Variants in KANK1 observed in about 807,000 individuals in gnomAD.
KANK1 encodes KN motif and ankyrin repeat domain-containing protein 1.
A neutral mutation model predicts 106.2 loss-of-function variants in KANK1; 109 were observed. The observed-to-expected ratio is 1.03, with a 90% CI of 0.88 to 1.20. The LOEUF (loss-of-function observed/expected upper bound fraction) is 1.20. Among genes scored for constraint, KANK1 ranks in the 50% most tolerant of loss-of-function variants. KANK1 has a pLI of 0.00. For synonymous variants in KANK1, 873 were observed against 652.2 expected, an observed-to-expected ratio of 1.34 and a Z score of -5.16; for missense variants, 2,399 against 1,710.7, an observed-to-expected ratio of 1.40 and a Z score of -7.10.
intron 2 of KANK1, among the ~76,000 whole-genome samples, chr9:678,636 G>GCT (rs1816880747): frequency 6.6e-6 from 1 of 152,162 alleles, no homozygotes; most frequent in South Asian, 2.1e-4. Context: ...GCTAAGACAG[G>GCT]AATGGCTGGA....
intron 2 of KANK1, chr9:707,384 A>G: frequency 3.6e-6 from 1 of 281,632 alleles, no homozygotes; most frequent in Non-Finnish European, 5.4e-6. Context: ...TCCAGCTTAG[A>G]CCCGCCGGCT....
At chr9:667,741 TG>T (rs143525847) in intron 1 of KANK1, among the ~76,000 whole-genome samples, 63,973 of 109,710 alleles carry the variant, frequency 0.58, 16,373 homozygotes, top group East Asian at 0.88. Flanking sequence ...AAGGTTTTTT[TG>T]TTTTGTTTTT....
At chr9:678,905 T>C (rs1381648899) in intron 2 of KANK1, among the ~76,000 whole-genome samples, 1 of 152,166 alleles carries the variant, frequency 6.6e-6, no homozygotes, top group African/African-American at 2.4e-5. Context: ...AAGGGGTGTT[T>C]AAGATTGTTG....
At chr9:608,326 T>G (rs966577987) in intron 1 of KANK1, among the ~76,000 whole-genome samples, 6 of 151,952 alleles carry the variant, frequency 3.9e-5, no homozygotes, top group Middle Eastern at 3.4e-3. Context: ...CGTGAAAACT[T>G]TCAGAATTAT....
Position 712,202 on chromosome 9 carries a change from C to A in KANK1, c.1436C>A (p.Thr479Asn). The change falls in exon 3 of 12, where the codon ACC becomes AAC. Residue 479 changes from threonine (T) to asparagine (N), a missense_variant. Coordinates refer to ENST00000382297, the MANE Select transcript of KANK1 (RefSeq NM_015158.5). ...CGCCTAGAAGTACAGCTTAGAGAAA[C>A]CACCCATGACCGGGAGATGACTAAA... is the stretch of plus-strand genomic sequence containing the variant. Reference protein sequence around the residue: ...IYRLEVQLRETTHDREMTKLK... With the variant: ...IYRLEVQLRENTHDREMTKLK... The A allele has an allele frequency of 6.2e-6, 10 of 1,614,146 alleles. No individual in the cohort carries two copies. Among genetic ancestry groups the A allele is most frequent in the Non-Finnish European group, 7.6e-6 (9 of 1,180,032 alleles).
chr9:736,227 G>T (rs1004236317), intron 7 of KANK1, among the ~76,000 whole-genome samples: 4 of 152,078 alleles, frequency 2.6e-5, no homozygotes, highest in African/African-American at 9.7e-5. Flanking sequence ...CAAAGTGCTG[G>T]GATTTACAGG....
At chr9:594,834 CCT>C (rs1456324241) in intron 1 of KANK1, among the ~76,000 whole-genome samples, 1 of 151,600 alleles carries the variant, frequency 6.6e-6, no homozygotes, top group Non-Finnish European at 1.5e-5. Context: ...GTTCAGATTC[CCT>C]GTCTCTCCTC....
intron 1 of KANK1, among the ~76,000 whole-genome samples, chr9:621,727 G>A (rs1833187986): frequency 6.6e-6 from 1 of 152,034 alleles, no homozygotes; most frequent in Non-Finnish European, 1.5e-5. Flanking sequence ...CGTAAGCAGA[G>A]CCTACCACAA....
At position 712,777 on chromosome 9, in the gene KANK1, C is replaced by T; in HGVS notation, c.2011C>T (p.Gln671Ter). ...AVMAVPRTADQDTSTDLEQVH... is the reference protein window; with the variant it reads ...AVMAVPRTAD ...CATGGCAGTGCCTCGTACTGCAGAC[C>T]AGGACACTAGCACAGATTTGGAACA... Residue 671 changes from glutamine (Q) to a stop codon, truncating the protein, a stop_gained, in exon 3 of 12, where the codon CAG (glutamine) becomes TAG (stop). Coordinates refer to ENST00000382297, the MANE Select transcript of KANK1 (RefSeq NM_015158.5). LOFTEE classifies it high-confidence loss of function. 6.2e-7 allele frequency: 1 copy of T among 1,613,820 alleles called. No individual in the cohort carries two copies. Among genetic ancestry groups the T allele is most frequent in the Non-Finnish European group, 8.5e-7 (1 of 1,179,902 alleles).
intron 1 of KANK1, among the ~76,000 whole-genome samples, chr9:552,951 C>A (rs1340921684): frequency 6.6e-6 from 1 of 152,076 alleles, no homozygotes; most frequent in Non-Finnish European, 1.5e-5. Context: ...TTGAGACCAG[C>A]CTGGGCAACA....
In KANK1 at chr9:470,363, C is replaced by T. The variant is rs534843699; in HGVS notation, c.-580C>T. On this transcript the variant is annotated 5_prime_UTR_variant, in exon 1 of 16. Transcript: ENST00000382303. ...TCAGCAGCGAGTGGTTGGAAATTAG[C>T]AAAGTGAGAGGGTGCGTGGCCTGAG... The T allele has an allele frequency of 5.2e-5, 8 of 152,662 alleles. No individual in the cohort carries two copies. In the East Asian group the frequency reaches 1.5e-3, roughly 29 times the overall value. 9.5% of individuals were successfully genotyped at this position (152,662 alleles called of 1,614,324 possible). A position where few individuals can be genotyped will look rare whatever the true frequency, so the allele number is the denominator to read the frequency against.
intron 1 of KANK1, among the ~76,000 whole-genome samples, chr9:665,828 T>G (rs919683291): frequency 3.3e-5 from 5 of 152,194 alleles, no homozygotes; most frequent in African/African-American, 9.7e-5. Context: ...CATCTTCTAT[T>G]TATTTAATCA....
chr9:624,938 A>G (rs1488220530), intron 1 of KANK1, among the ~76,000 whole-genome samples: 1 of 152,202 alleles, frequency 6.6e-6, no homozygotes, highest in African/African-American at 2.4e-5. Flanking sequence ...TTAAACCTTG[A>G]CTTGGACTTA....
At chr9:641,018 G>C (rs537794020) in intron 1 of KANK1, among the ~76,000 whole-genome samples, 2 of 152,140 alleles carry the variant, frequency 1.3e-5, no homozygotes, top group African/African-American at 4.8e-5. Flanking sequence ...TGTCTGTGTT[G>C]CAGTGAAATT....
intron 10 of KANK1, among the ~76,000 whole-genome samples, chr9:743,561 A>C (rs1040704810): frequency 1.3e-5 from 2 of 152,262 alleles, no homozygotes; most frequent in Middle Eastern, 3.4e-3. Context: ...CCAGAGGGAA[A>C]TCCGTATTTC....
chr9:513,674 G>A (rs1245672412), intron 1 of KANK1, among the ~76,000 whole-genome samples: 1 of 152,062 alleles, frequency 6.6e-6, no homozygotes, highest in African/African-American at 2.4e-5. Flanking sequence ...AATATTTTTG[G>A]CTAAATTTTT....
chr9:564,803 C>T (rs1363807236), intron 1 of KANK1, among the ~76,000 whole-genome samples: 1 of 152,224 alleles, frequency 6.6e-6, no homozygotes, highest in Non-Finnish European at 1.5e-5. Flanking sequence ...ATCTAATTGA[C>T]TCAGTTCACC....
intron 1 of KANK1, among the ~76,000 whole-genome samples, chr9:545,868 C>G (rs2133954485): frequency 6.6e-6 from 1 of 152,040 alleles, no homozygotes; most frequent in African/African-American, 2.4e-5. Flanking sequence ...GCCTCAGCCT[C>G]CCAAGTAGCT....
intron 2 of KANK1, among the ~76,000 whole-genome samples, chr9:710,280 C>T (rs902986757): frequency 2.0e-5 from 3 of 152,170 alleles, no homozygotes. Flanking sequence ...TTTGCATCTC[C>T]ATTTTTACTC....
Sources: allele counts gnomAD v4.1 joint callset (sites outside exome capture counted in the v4.1 genomes callset), GRCh38; gene constraint gnomAD v4.1.1; transcripts MANE v1.5; gene names NCBI Gene and HGNC (gene_info 2026-07-23, HGNC 2026-07-21).